The following TMEM164 variants were observed in gnomAD, a reference collection of about 807,000 sequenced individuals.
TMEM164 encodes RP13-360B22.2.
Under a neutral mutation model 18.8 loss-of-function variants are expected in TMEM164, and 4 were observed. That is an observed-to-expected ratio of 0.21 (90% CI 0.10 to 0.49). The LOEUF is 0.49. TMEM164 is among the 20% of genes least tolerant of loss of function. The pLI is 0.98. For synonymous variants in TMEM164, 86 were observed against 101.7 expected (o/e 0.85, Z 0.93); for missense variants, 108 against 239.9 (o/e 0.45, Z 3.63).
chrX:110,035,777 T>C (rs1280454110), intron 2 of TMEM164, among the ~76,000 whole-genome samples: 1 of 99,164 alleles, frequency 1.0e-5, no homozygotes, highest in Non-Finnish European at 2.0e-5. Context: ...TGTGCTCCTA[T>C]TTTTTTTTTT....
intron 3 of TMEM164, among the ~76,000 whole-genome samples, chrX:110,075,541 T>A (rs191227489): frequency 8.0e-5 from 9 of 111,877 alleles, no homozygotes; most frequent in Admixed American, 2.8e-4. Context: ...GTTCCAGTTC[T>A]CAAGGGGAAT....
chrX:110,080,526 T>C (rs950184243), intron 3 of TMEM164, among the ~76,000 whole-genome samples: 7 of 111,665 alleles, frequency 6.3e-5, no homozygotes, highest in African/African-American at 2.3e-4. Context: ...TTTATAGCCA[T>C]ACCCACCATC....
At chrX:110,033,275 A>G (rs769115093) in intron 2 of TMEM164, among the ~76,000 whole-genome samples, 118 of 112,370 alleles carry the variant, frequency 1.1e-3, no homozygotes, top group African/African-American at 3.7e-3. Flanking sequence ...CTGGAATGCA[A>G]AAAATGTCGT....
intron 4 of TMEM164, among the ~76,000 whole-genome samples, chrX:110,127,550 A>G (rs996852696): frequency 2.7e-5 from 3 of 111,582 alleles, no homozygotes; most frequent in Admixed American, 9.5e-5. Context: ...AACAACCACA[A>G]CTCAACTCCT....
chrX:110,019,474 CTACTCTATCCTT>C (rs1170391296), intron 2 of TMEM164, among the ~76,000 whole-genome samples: 1 of 111,560 alleles, frequency 9.0e-6, no homozygotes, highest in Non-Finnish European at 1.9e-5. Context: ...ATCCTTTACA[CTACTCTATCCTT>C]TACTCTATCT....
At chrX:110,084,402 A>ATATATATAGTATATATATATAGTATAG (rs2065813312) in intron 3 of TMEM164, among the ~76,000 whole-genome samples, 1 of 84,709 alleles carries the variant, frequency 1.2e-5, no homozygotes, top group Non-Finnish European at 2.2e-5. Context: ...AGTATAGTAT[A>ATATATATAGTATATATATATAGTATAG]TATATATAGT....
At chrX:110,067,154 GCACACA>G (rs56336159) in intron 2 of TMEM164, among the ~76,000 whole-genome samples, 187 bp from the exon 3 acceptor site, 2 of 101,611 alleles carry the variant, frequency 2.0e-5, no homozygotes, top group Non-Finnish European at 4.0e-5. Flanking sequence ...TCATGTGTGC[GCACACA>G]CACACACACA....
intron 4 of TMEM164, among the ~76,000 whole-genome samples, chrX:110,117,624 A>AT (rs905570486): frequency 1.8e-5 from 2 of 112,158 alleles, no homozygotes; most frequent in Admixed American, 9.5e-5. Flanking sequence ...AAGGAAAAAG[A>AT]TTTTTTTAAA....
chrX:110,004,256 C>T (rs950220191), intron 2 of TMEM164, 92 bp downstream of exon 2: 14 of 1,024,310 alleles, frequency 1.4e-5, no homozygotes, highest in Non-Finnish European at 1.8e-5. Context: ...CTCATCCCGG[C>T]GGGCAGGGGG....
chrX:110,178,262 T>C (rs902497466), downstream of TMEM164, among the ~76,000 whole-genome samples: 1 of 112,386 alleles, frequency 8.9e-6, no homozygotes, highest in African/African-American at 3.2e-5. Flanking sequence ...CAGCCCATGA[T>C]GACTGTGATT....
At chrX:110,093,135 C>T (rs2065958081) in intron 3 of TMEM164, among the ~76,000 whole-genome samples, 1 of 111,714 alleles carries the variant, frequency 9.0e-6, no homozygotes, top group South Asian at 3.7e-4. Context: ...AGGATTTTTG[C>T]ATCGATGTTC....
intron 3 of TMEM164, among the ~76,000 whole-genome samples, chrX:110,101,052 TTTC>T (rs2066103541): frequency 9.0e-6 from 1 of 110,642 alleles, no homozygotes; most frequent in South Asian, 3.9e-4. Context: ...TTTCCTCTAT[TTTC>T]TTCTTCTCTT....
intron 2 of TMEM164, among the ~76,000 whole-genome samples, chrX:110,015,565 G>C (rs1178523669): frequency 1.8e-5 from 2 of 110,154 alleles, no homozygotes; most frequent in Non-Finnish European, 3.8e-5. Flanking sequence ...GTGTGTGTGT[G>C]TGTGTGTGTG....
chrX:110,018,406 G>T (rs1429023676), intron 2 of TMEM164, among the ~76,000 whole-genome samples: 2 of 111,774 alleles, frequency 1.8e-5, no homozygotes, highest in African/African-American at 6.5e-5. Flanking sequence ...GCCTCTCTGT[G>T]CCTCAGTCTT....
chrX:110,024,027 C>G (rs1934058487), intron 2 of TMEM164, among the ~76,000 whole-genome samples: 1 of 111,428 alleles, frequency 9.0e-6, no homozygotes, highest in African/African-American at 3.3e-5. Flanking sequence ...GAGGGTCAGA[C>G]CAGATGGTAT....
At chrX:110,124,000 C>T (rs1569339531) in intron 4 of TMEM164, among the ~76,000 whole-genome samples, 1 of 110,623 alleles carries the variant, frequency 9.0e-6, no homozygotes, top group African/African-American at 3.3e-5. Context: ...TCTGTAGTCT[C>T]ACCTACTTGG....
At chrX:110,180,490 C>T (rs368166814), downstream of TMEM164, among the ~76,000 whole-genome samples, 2 of 101,123 alleles carry the variant, frequency 2.0e-5, no homozygotes, top group African/African-American at 9.5e-5. Context: ...CCTGAACCCC[C>T]CCGCCCCGCC....
At chrX:110,024,089 G>A (rs1934063174) in intron 2 of TMEM164, among the ~76,000 whole-genome samples, 1 of 112,359 alleles carries the variant, frequency 8.9e-6, no homozygotes, top group Non-Finnish European at 1.9e-5. Flanking sequence ...TGGAAAAATT[G>A]TAGAATTGGA....
At chrX:110,139,653 T>C (rs2066740752) in intron 4 of TMEM164, among the ~76,000 whole-genome samples, 1 of 111,774 alleles carries the variant, frequency 8.9e-6, no homozygotes, top group Non-Finnish European at 1.9e-5. Context: ...AGTCAGACAG[T>C]TGGATTTAGC....
Sources: gnomAD v4.1 joint callset for allele counts (sites outside exome capture counted in the v4.1 genomes callset) on GRCh38, gnomAD v4.1.1 for gene constraint, MANE v1.5 for transcripts, NCBI Gene and HGNC (gene_info 2026-07-23, HGNC 2026-07-21) for gene names.